CTNNBL1: variants seen among roughly 807,000 people sequenced by gnomAD.
The protein encoded by CTNNBL1 is catenin beta like 1.
A neutral mutation model predicts 72.7 loss-of-function variants in CTNNBL1; 31 were observed. The observed-to-expected ratio is 0.43, with a 90% CI of 0.32 to 0.58. CTNNBL1 has a LOEUF of 0.58. CTNNBL1 is among the 20% of genes least tolerant of loss of function. The probability of loss-of-function intolerance (pLI) is 0.08; values close to 1 mark genes in which losing one functional copy is unlikely to be tolerated. For synonymous variants in CTNNBL1, 240 were observed against 267.3 expected (o/e 0.90, Z 1.00); for missense variants, 534 against 725.1 (o/e 0.74, Z 3.03).
intron 15 of CTNNBL1, among the ~76,000 whole-genome samples, chr20:37,864,797 A>T (rs2072523302): frequency 6.7e-6 from 1 of 149,242 alleles, no homozygotes; most frequent in Admixed American, 6.8e-5. Context: ...GTTACTGCTG[A>T]CTGGGGTGCG....
intron 1 of CTNNBL1, among the ~76,000 whole-genome samples, chr20:37,726,017 T>C (rs148864449): frequency 6.6e-5 from 10 of 152,268 alleles, no homozygotes; most frequent in African/African-American, 2.4e-4. Context: ...TAGGCCTTTA[T>C]GTACATGCAT....
At chr20:37,750,247 C>G (rs1000259600) in intron 4 of CTNNBL1, 1 of 152,182 alleles carries the variant, frequency 6.6e-6, no homozygotes, top group African/African-American at 2.4e-5. Context: ...TCATCTGCCC[C>G]CTTGAGAGGC....
At chr20:37,771,390 A>G (rs2073522203) in intron 7 of CTNNBL1, among the ~76,000 whole-genome samples, 2 of 152,088 alleles carry the variant, frequency 1.3e-5, no homozygotes, top group African/African-American at 4.8e-5. Context: ...TAACCATTTT[A>G]CTCTGGAGAC....
chr20:37,709,252 G>C (rs2072916886), intron 1 of CTNNBL1, among the ~76,000 whole-genome samples: 2 of 152,140 alleles, frequency 1.3e-5, no homozygotes, highest in Admixed American at 6.5e-5. Context: ...GAACAGTTTT[G>C]CTGGCATTAT....
chr20:37,717,217 T>C (rs2072993479), intron 1 of CTNNBL1, among the ~76,000 whole-genome samples: 1 of 152,236 alleles, frequency 6.6e-6, no homozygotes, highest in Admixed American at 6.5e-5. Flanking sequence ...ACCTGAGAGA[T>C]AACTTGTAGA....
intron 2 of CTNNBL1, among the ~76,000 whole-genome samples, chr20:37,736,103 C>T (rs764353529): frequency 1.3e-5 from 2 of 152,132 alleles, no homozygotes; most frequent in Non-Finnish European, 2.9e-5. Flanking sequence ...AAATTCTGTA[C>T]AGTCTACTAG....
In CTNNBL1 at chr20:37,793,447, T is replaced by C. The variant is rs542906615; in HGVS notation, c.1032-9420T>C. ...TTTATATTAATATAGCCACTACAAC[T>C]TTCTCTTAATTAGTGCTAACGCATG... On this transcript the variant is annotated intron_variant, in intron 10 of 15. Transcript: ENST00000361383. 7.2e-5 allele frequency among the ~76,000 whole-genome samples: 11 copies of C among 152,352 alleles called. No individual in the cohort carries two copies. In the South Asian group the frequency reaches 2.1e-3, roughly 29 times the overall value.
chr20:37,840,217 T>C lies in CTNNBL1; in HGVS notation c.1311+18T>C. The C allele has an allele frequency of 1.3e-6, 2 of 1,570,388 alleles. No homozygotes were observed. The highest frequency in any genetic ancestry group is 1.8e-6 in the Non-Finnish European group (2 of 1,141,198). On this transcript the variant is annotated intron_variant, in intron 12 of 15. Transcript: ENST00000361383. The stretch of plus-strand genomic sequence containing the variant: ...GTGAGAAGGTGGGTGACTGTTGGAC[T>C]GTAAAGCTGGGACCGGGACTGATAG...
intron 1 of CTNNBL1, among the ~76,000 whole-genome samples, chr20:37,703,447 A>C (rs1308804273): frequency 1.3e-5 from 2 of 152,186 alleles, no homozygotes; most frequent in African/African-American, 2.4e-5. Context: ...TCTTTTGCCA[A>C]AGATTTTCTT....
chr20:37,859,339 A>G (rs1171394960), intron 13 of CTNNBL1, among the ~76,000 whole-genome samples: 5 of 151,744 alleles, frequency 3.3e-5, no homozygotes, highest in Admixed American at 2.0e-4. Flanking sequence ...CCTGGGGGAC[A>G]AGAGCAAAAC....
rs967722896 is a variant in CTNNBL1 at position 37,747,819 on chromosome 20, A to G, written c.466+1212A>G. On this transcript the variant is annotated intron_variant, in intron 4 of 15. Transcript: ENST00000361383. ...GGACTCAATCTCCTGGCCTCAAGTG[A>G]TTTTGCCTCAGCCTCTGGAGTAGCT... Among the ~76,000 whole-genome samples, 13 of 151,994 alleles carry G rather than the reference A, an allele frequency of 8.6e-5. 1 individual carries two copies. Among genetic ancestry groups the G allele is most frequent in the Admixed American group, 2.0e-4 (3 of 15,258 alleles).
chr20:37,779,473 C>T (rs941710565), intron 10 of CTNNBL1, 138 bp downstream of exon 10: 105 of 898,838 alleles, frequency 1.2e-4, no homozygotes, highest in Middle Eastern at 7.1e-4. Flanking sequence ...AGTCTTCAGG[C>T]ATGGGGGGAT....
At chr20:37,747,889 A>G (rs76765308) in intron 4 of CTNNBL1, among the ~76,000 whole-genome samples, 15,235 of 152,206 alleles carry the variant, frequency 0.1, 1,108 homozygotes, top group African/African-American at 0.2. Flanking sequence ...AGTGCTGAGC[A>G]CAGTTCTTGA....
intron 11 of CTNNBL1, among the ~76,000 whole-genome samples, chr20:37,804,617 G>C (rs2071936535): frequency 6.6e-6 from 1 of 152,208 alleles, no homozygotes; most frequent in Non-Finnish European, 1.5e-5. Flanking sequence ...TGTCAGGGTT[G>C]CCTGTGAGCC....
intron 4 of CTNNBL1, among the ~76,000 whole-genome samples, chr20:37,755,551 C>T (rs1319090635): frequency 6.6e-6 from 1 of 152,134 alleles, no homozygotes; most frequent in Non-Finnish European, 1.5e-5. Flanking sequence ...GAGTAAGACA[C>T]AGAAAGCATA....
rs2122889099 is a variant in CTNNBL1 at position 37,871,955 on chromosome 20, G to A, written c.1634G>A (p.Ser545Asn). ...EYAENIGDGRSPEFRENEQKR... is the reference protein window; with the variant it reads ...EYAENIGDGRNPEFRENEQKR... ...GCAGAGAACATCGGGGACGGCCGGA[G>A]CCCGGAGTTCCGGGAGAACGAGCAA... Residue 545 changes from serine (S) to asparagine (N), a missense_variant, in exon 16 of 16, where the codon AGC (serine) becomes AAC (asparagine). Ser to Asn is a conservative substitution (Grantham distance 46). Transcript: ENST00000361383. The A allele has an allele frequency of 6.2e-7, 1 of 1,614,086 alleles. No individual in the cohort carries two copies. Among genetic ancestry groups the A allele is most frequent in the East Asian group, 2.2e-5 (1 of 44,876 alleles).
intron 3 of CTNNBL1, among the ~76,000 whole-genome samples, chr20:37,739,193 G>A (rs1179214846): frequency 6.6e-6 from 1 of 151,874 alleles, no homozygotes; most frequent in Non-Finnish European, 1.5e-5. Context: ...AAAAATGAAA[G>A]TTTTCCTTCA....
chr20:37,747,360 G>C (rs1261673991), intron 4 of CTNNBL1, among the ~76,000 whole-genome samples: 2 of 125,036 alleles, frequency 1.6e-5, no homozygotes, highest in African/African-American at 6.3e-5. Context: ...GGGCAACAGA[G>C]TGAGTGGGAC....
chr20:37,716,209 A>G (rs893207921), intron 1 of CTNNBL1, among the ~76,000 whole-genome samples: 1 of 152,192 alleles, frequency 6.6e-6, no homozygotes, highest in South Asian at 2.1e-4. Context: ...TTGGTCTACT[A>G]AATGTGCTTG....
Sources: allele counts gnomAD v4.1 joint callset (sites outside exome capture counted in the v4.1 genomes callset), GRCh38; gene constraint gnomAD v4.1.1; transcripts MANE v1.5; gene names NCBI Gene and HGNC (gene_info 2026-07-23, HGNC 2026-07-21).